The following KRT6B variants were observed in gnomAD, a reference collection of about 807,000 sequenced individuals.
KRT6B encodes the protein keratin, type II cytoskeletal 6B.
A neutral mutation model predicts 44.7 loss-of-function variants in KRT6B; 29 were observed. The observed-to-expected ratio is 0.65, with a 90% CI of 0.48 to 0.88. The LOEUF (loss-of-function observed/expected upper bound fraction) is 0.88, where lower values mean the gene tolerates loss of function less well. KRT6B is among the 40% of genes least tolerant of loss of function. The pLI, the probability that KRT6B is intolerant of heterozygous loss-of-function variation, is 0.00. For synonymous variants in KRT6B, 213 were observed against 296.0 expected (o/e 0.72, Z 2.88); for missense variants, 600 against 724.0 (o/e 0.83, Z 1.97).
chr12:52,447,343 G>A lies in KRT6B; in HGVS notation c.1542C>T (p.Ser514=), dbSNP rs146373607. 4 of 1,613,926 alleles carry A rather than the reference G, an allele frequency of 2.5e-6. No individual in the cohort carries two copies. Among genetic ancestry groups the A allele is most frequent in the African/African-American group, 2.7e-5 (2 of 74,918 alleles). Residue 514 remains serine, a synonymous_variant, in exon 9 of 9, where the codon AGC becomes AGT. Transcript: ENST00000252252. ...GSGLGLGGGS[S]YSYGSGLGVG... ...CGCCAAGACCACTGCCATAGGAGTA[G>A]CTGCTTCCTCCACCCAGGCCTAAGC... is the stretch of plus-strand genomic sequence containing the variant.
chr12:52,450,769 A>G (rs1216207432), intron 1 of KRT6B, 149 bp from the exon 2 acceptor site: 1 of 1,299,262 alleles, frequency 7.7e-7, no homozygotes, highest in Non-Finnish European at 1.1e-6. Context: ...TGCTCCCCCA[A>G]CTCCTTCTCC....
Position 52,449,489 on chromosome 12 carries a change from C to G in KRT6B, c.1057G>C (p.Glu353Gln). Reference protein sequence around the residue: ...EIAQRSRAEAESWYQTKYEEL... With the variant: ...EIAQRSRAEAQSWYQTKYEEL... ...CTCACCTTTGTCTGGTACCAGGACT[C>G]AGCCTCAGCCCTGCTCCTCTGAGCA... Residue 353 changes from glutamate to glutamine, a missense_variant, in exon 5 of 9, where the codon GAG becomes CAG. Glu to Gln is a conservative substitution (Grantham distance 29). Transcript: ENST00000252252. 1 of 1,614,180 alleles carries G rather than the reference C, an allele frequency of 6.2e-7. No homozygotes were observed. The highest frequency in any genetic ancestry group is 1.7e-5 in the Admixed American group (1 of 60,032).
chr12:52,447,871 A>T lies in KRT6B; in HGVS notation c.1331T>A (p.Leu444Gln), dbSNP rs769957795. ...CATCAGCTCCTGGTACTCCTTCAGC[A>T]GCCGGGCCAGGTCCTGCTTGGCCTT... ...LQKAKQDLAR[L>Q]LKEYQELMNV... The change falls in exon 7 of 9, where the codon CTG (leucine) becomes CAG (glutamine). Residue 444 changes from leucine to glutamine, a missense_variant. This residue lies in a region of KRT6B where 479 missense variants were observed against 454.2 expected (regional missense o/e 1.05). Transcript: ENST00000252252. 1.9e-6 allele frequency: 3 copies of T among 1,614,154 alleles called. No individual in the cohort carries two copies. In the Admixed American group the frequency reaches 5.0e-5, roughly 27 times the overall value.
chr12:52,449,808 C>T lies in KRT6B; in HGVS notation c.862G>A (p.Ala288Thr). Residue 288 changes from alanine to threonine, a missense_variant, in exon 4 of 9, where the codon GCA becomes ACA. Coordinates refer to ENST00000252252, the MANE Select transcript of KRT6B (RefSeq NM_005555.4). ...TTGATCTCATCTGTAAGAGTGTCTGCCTTGGCTTGCAGTTCAACCTTGTTC... is the reference window on the plus strand; with the variant it reads ...TTGATCTCATCTGTAAGAGTGTCTGTCTTGGCTTGCAGTTCAACCTTGTTC... Reference protein sequence around the residue: ...YMNKVELQAKADTLTDEINFL... With the variant: ...YMNKVELQAKTDTLTDEINFL... The T allele has an allele frequency of 6.2e-7, 1 of 1,613,984 alleles. No individual in the cohort carries two copies. The highest frequency in any genetic ancestry group is 8.5e-7 in the Non-Finnish European group (1 of 1,179,878).
Position 52,448,886 on chromosome 12 carries a change from T to C in KRT6B, c.1159A>G (p.Met387Val), listed in dbSNP as rs1202525657. 5 of 1,613,974 alleles carry C rather than the reference T, an allele frequency of 3.1e-6. No homozygotes were observed. The African/African-American group carries it at 5.3e-5, about 17-fold the overall frequency. Residue 387 changes from methionine to valine, a missense_variant, in exon 6 of 9, where the codon ATG becomes GTG. Coordinates refer to ENST00000252252, the MANE Select transcript of KRT6B (RefSeq NM_005555.4). The stretch of plus-strand genomic sequence containing the variant: ...ATCTCAGATCTCAGCCTCTGGATCA[T>C]GCGGTTGATCTCAGCAATCTCCTGC... ...TKQEIAEINR[M>V]IQRLRSEIDH...
At chr12:52,451,443 T>C in intron 1 of KRT6B, 96 bp downstream of exon 1, 1 of 1,611,048 alleles carries the variant, frequency 6.2e-7, no homozygotes, top group Non-Finnish European at 8.5e-7. Context: ...CTGAGTCCCC[T>C]TCTCCCTCCC....
rs1037882993 is a variant in KRT6B, at chr12:52,452,126, G to A, written c.-48C>T. 11 of 1,613,308 alleles carry A rather than the reference G, an allele frequency of 6.8e-6. No individual in the cohort carries two copies. Among genetic ancestry groups the A allele is most frequent in the East Asian group, 4.5e-5 (2 of 44,890 alleles). Reference sequence around the variant, plus strand: ...TAGGAGAGTGTGAGAGGCTGGAGGCGAGAGGGAGGAGAAGCAGGACGAGGA... The same window carrying A: ...TAGGAGAGTGTGAGAGGCTGGAGGCAAGAGGGAGGAGAAGCAGGACGAGGA... On this transcript the variant is annotated 5_prime_UTR_variant, in exon 1 of 9. Coordinates refer to ENST00000252252, the MANE Select transcript of KRT6B (RefSeq NM_005555.4).
Position 52,447,107 on chromosome 12 carries a change from G to A in KRT6B, c.*83C>T. On this transcript the variant is annotated 3_prime_UTR_variant, in exon 9 of 9. Transcript: ENST00000252252. ...GAGGGCAGGGGAGACTGGAGGCCAGGGGAGGACAAGCAACCTGAGGAGAGG... is the reference window on the plus strand; with the variant it reads ...GAGGGCAGGGGAGACTGGAGGCCAGAGGAGGACAAGCAACCTGAGGAGAGG... 3 of 1,572,196 alleles carry A rather than the reference G, an allele frequency of 1.9e-6. No homozygotes were observed. The highest frequency in any genetic ancestry group is 2.2e-5 in the East Asian group (1 of 44,576).
In KRT6B at chr12:52,446,978, G is replaced by T; in HGVS notation, c.*212C>A. ...AATACGGGAACTAAAAAGGACATTC[G>T]CATGTCTGAGTGCTGATAACTGTTG... On this transcript the variant is annotated 3_prime_UTR_variant, in exon 9 of 9. Coordinates refer to ENST00000252252, the MANE Select transcript of KRT6B (RefSeq NM_005555.4). 6.5e-6 allele frequency: 4 copies of T among 616,948 alleles called. No homozygotes were observed. The highest frequency in any genetic ancestry group is 2.8e-5 in the East Asian group (1 of 36,140). 38.2% of individuals were successfully genotyped at this position (616,948 alleles called of 1,614,324 possible).
rs539183907 is a variant in KRT6B, at chr12:52,451,477, G to C, written c.540+62C>G. On this transcript the variant is annotated intron_variant, in intron 1 of 8. Transcript: ENST00000252252. ...CCTCCTAGGGTCTCTCCGGCAGGAAGGTGTTGCTCTTCTGGTCTGGGGACC... is the reference window on the plus strand; with the variant it reads ...CCTCCTAGGGTCTCTCCGGCAGGAACGTGTTGCTCTTCTGGTCTGGGGACC... 11 of 1,613,200 alleles carry C rather than the reference G, an allele frequency of 6.8e-6. No individual in the cohort carries two copies. The African/African-American group carries it at 1.1e-4, about 16-fold the overall frequency.
chr12:52,450,342 C>A, intron 2 of KRT6B, 64 bp downstream of exon 2: 3 of 1,572,708 alleles, frequency 1.9e-6, no homozygotes, highest in Non-Finnish European at 2.6e-6. Context: ...AGGAATCCTA[C>A]ACACATCTGG....
In KRT6B at chr12:52,447,105, AG is replaced by A; in HGVS notation, c.*84del. 1 of 1,565,386 alleles carries A rather than the reference AG, an allele frequency of 6.4e-7. No individual in the cohort carries two copies. Among genetic ancestry groups the A allele is most frequent in the Non-Finnish European group, 8.7e-7 (1 of 1,147,224 alleles). On this transcript the variant is annotated 3_prime_UTR_variant, in exon 9 of 9. Transcript: ENST00000252252. ...GGGAGGGCAGGGGAGACTGGAGGCC[AG>A]GGGAGGACAAGCAACCTGAGGAGAG...
intron 4 of KRT6B, 60 bp from the exon 5 acceptor site, chr12:52,449,693 C>G (rs1403462613): frequency 6.2e-7 from 1 of 1,614,046 alleles, no homozygotes; most frequent in Non-Finnish European, 8.5e-7. Context: ...GATGCCCAGC[C>G]CTGTACATCT....
intron 6 of KRT6B, 125 bp from the exon 7 acceptor site, chr12:52,448,123 T>C: frequency 1.6e-6 from 2 of 1,238,622 alleles, no homozygotes; most frequent in East Asian, 2.5e-5. Context: ...GAGCTCTGAC[T>C]CTTCCTGTCT....
rs756540663 is a variant in KRT6B, at chr12:52,448,928, C to G, written c.1117G>C (p.Asp373His). The change falls in exon 6 of 9, where the codon GAC (aspartate) becomes CAC (histidine). Residue 373 changes from aspartate (D) to histidine (H), a missense_variant. This residue lies in a region of KRT6B where 479 missense variants were observed against 454.2 expected (regional missense o/e 1.05). Transcript: ENST00000252252. The stretch of plus-strand genomic sequence containing the variant: ...ATCTCCTGCTTGGTGTTGCGCAGGT[C>G]GTCCCCATGTCTGCCTGCTGTGATC... The part of the protein sequence containing the change: ...LQITAGRHGD[D>H]LRNTKQEIAE... 1 of 1,613,656 alleles carries G rather than the reference C, an allele frequency of 6.2e-7. No individual in the cohort carries two copies. Among genetic ancestry groups the G allele is most frequent in the Non-Finnish European group, 8.5e-7 (1 of 1,179,802 alleles).
In KRT6B at chr12:52,447,409, G is replaced by A. The variant is rs201073484; in HGVS notation, c.1476C>T (p.Thr492=). The change falls in exon 9 of 9, where the codon ACC becomes ACT. Residue 492 remains threonine, a synonymous_variant. Transcript: ENST00000252252. ...TGGCACCGCCATAGCCACTGGAGAC[G>A]GTGGACTGCACTACAGCTGTGGTGG... is the stretch of plus-strand genomic sequence containing the variant. ...GQVNISVVQS[T]VSSGYGGASG... 214 of 1,614,056 alleles carry A rather than the reference G, an allele frequency of 1.3e-4. No homozygotes were observed. The highest frequency in any genetic ancestry group is 9.6e-5 in the Non-Finnish European group (113 of 1,179,944).
chr12:52,449,472 T>C lies in KRT6B; in HGVS notation c.1074A>G (p.Thr358=). 6.2e-7 allele frequency: 1 copy of C among 1,614,154 alleles called. No homozygotes were observed. Among genetic ancestry groups the C allele is most frequent in the Middle Eastern group, 1.6e-4 (1 of 6,062 alleles). ...SRAEAESWYQ[T]KYEELQITAG... is the part of the protein sequence containing the mutation. ...CGGCTGTCCACTCCGTGCTCACCTTTGTCTGGTACCAGGACTCAGCCTCAG... is the reference window on the plus strand; with the variant it reads ...CGGCTGTCCACTCCGTGCTCACCTTCGTCTGGTACCAGGACTCAGCCTCAG... The change falls in exon 5 of 9, where the codon ACA becomes ACG. Residue 358 remains threonine (T), a synonymous_variant. Coordinates refer to ENST00000252252, the MANE Select transcript of KRT6B (RefSeq NM_005555.4).
Position 52,447,807 on chromosome 12 carries a change from G to A in KRT6B, c.1395C>T (p.Tyr465=), listed in dbSNP as rs1455677182. Residue 465 remains tyrosine, a synonymous_variant, in exon 7 of 9, where the codon TAC becomes TAT. Transcript: ENST00000252252. Reference sequence around the variant, plus strand: ...ACTCCTCGCCCTCCAGCAGCTTGCGGTAGGTGGCGATCTCCACATCCAGGG... The same window carrying A: ...ACTCCTCGCCCTCCAGCAGCTTGCGATAGGTGGCGATCTCCACATCCAGGG... ...KLALDVEIAT[Y]RKLLEGEECR... 13 of 1,614,090 alleles carry A rather than the reference G, an allele frequency of 8.1e-6. No individual in the cohort carries two copies. Among genetic ancestry groups the A allele is most frequent in the African/African-American group, 4.0e-5 (3 of 74,936 alleles).
In KRT6B at chr12:52,446,832, G is replaced by T; in HGVS notation, c.*358C>A. 2.9e-6 allele frequency: 1 copy of T among 342,908 alleles called. No homozygotes were observed. Among genetic ancestry groups the T allele is most frequent in the Non-Finnish European group, 5.4e-6 (1 of 183,906 alleles). 21.2% of individuals were successfully genotyped at this position (342,908 alleles called of 1,614,324 possible). ...TCCTGAGTGTAGCTATAATGGGCAG[G>T]ATGGTTAGCAATTAAAGAGAGGACT... On this transcript the variant is annotated 3_prime_UTR_variant, in exon 9 of 9. Transcript: ENST00000252252.
Sources: gnomAD v4.1 joint callset for allele counts on GRCh38, gnomAD v4.1.1 for gene constraint, gnomAD v4.1.1 regional missense constraint, MANE v1.5 for transcripts, NCBI Gene and HGNC (gene_info 2026-07-23, HGNC 2026-07-21) for gene names.